PAPPA: variants seen among roughly 807,000 people sequenced by gnomAD.
The protein encoded by PAPPA is pappalysin-1.
PAPPA carries 60 observed loss-of-function variants against 164.0 expected under a neutral mutation model. The observed-to-expected ratio is 0.37, with a 90% confidence interval of 0.30 to 0.45. PAPPA has a LOEUF of 0.45. Ranked by LOEUF, PAPPA falls within the 20% of genes least tolerant of loss-of-function variation. The pLI is 1.00. For missense variants in PAPPA, 1,782 were observed against 2,087.3 expected (o/e 0.85, Z 2.85); for synonymous variants, 875 against 814.1 (o/e 1.07, Z -1.27).
At chr9:116,166,002 T>G (rs1843715547) in intron 1 of PAPPA, among the ~76,000 whole-genome samples, 1 of 152,224 alleles carries the variant, frequency 6.6e-6, no homozygotes, top group Admixed American at 6.5e-5. Flanking sequence ...AAAGGGGCTA[T>G]ATGTATTTTT....
chr9:116,216,388 A>G (rs1844371861), intron 4 of PAPPA, among the ~76,000 whole-genome samples: 1 of 152,202 alleles, frequency 6.6e-6, no homozygotes, highest in African/African-American at 2.4e-5. Flanking sequence ...ACAGATGGAC[A>G]TTTGTTCTTG....
At position 116,154,655 on chromosome 9, in the gene PAPPA, C is replaced by T. The variant is rs1386389362; in HGVS notation, c.415+68C>T. On this transcript the variant is annotated intron_variant, in intron 1 of 21. Transcript: ENST00000328252. The surrounding 1 kb of genome is among the most constrained non-coding windows in gnomAD (Gnocchi z 5.2). The stretch of plus-strand genomic sequence containing the variant: ...CCCCAGAGGCTCGCGGGTGTCTGGG[C>T]GCGGGTGGCGGGCGGGTCGGGGGCT... 2.4e-6 allele frequency: 3 copies of T among 1,254,882 alleles called. No homozygotes were observed. Among genetic ancestry groups the T allele is most frequent in the Admixed American group, 4.2e-5 (1 of 23,614 alleles). 77.7% of individuals were successfully genotyped at this position (1,254,882 alleles called of 1,614,324 possible). A position where few individuals can be genotyped will look rare whatever the true frequency, so the allele number is the denominator to read the frequency against.
At chr9:116,309,260 G>A (rs1334029081) in intron 10 of PAPPA, among the ~76,000 whole-genome samples, 5 of 151,928 alleles carry the variant, frequency 3.3e-5, no homozygotes, top group Non-Finnish European at 5.9e-5. Flanking sequence ...ATTTTTAGTA[G>A]AGATGGGGTT....
intron 1 of PAPPA, among the ~76,000 whole-genome samples, chr9:116,172,450 T>C (rs1288504702): frequency 1.3e-5 from 2 of 152,164 alleles, no homozygotes; most frequent in Non-Finnish European, 2.9e-5. Context: ...CTGGCCTCTA[T>C]GTACTAGACA....
rs566555948 is a variant in PAPPA, at chr9:116,338,958, T to G, written c.3611+3884T>G. 4.7e-4 allele frequency among the ~76,000 whole-genome samples: 72 copies of G among 152,284 alleles called. 1 individual carries two copies. The highest frequency in any genetic ancestry group is 1.2e-3 in the South Asian group (6 of 4,824). ...TAAAAGCGGGGAAGGCTCTGAAAGA[T>G]TTCCTGGTTCTGTGCCCTCATTTGA... On this transcript the variant is annotated intron_variant, in intron 13 of 21. Coordinates refer to ENST00000328252, the MANE Select transcript of PAPPA (RefSeq NM_002581.5).
In PAPPA at chr9:116,211,928, T is replaced by C. The variant is rs761297898; in HGVS notation, c.1914T>C (p.Tyr638=). The part of the protein sequence containing the change: ...FNTPYNNFMS[Y]ADDDCTDSFT... ...CTCCTTACAACAACTTCATGAGCTA[T>C]GCAGGTAGGGCCCTACACTCTGTAG... The change falls in exon 4 of 22, where the codon TAT becomes TAC. Residue 638 remains tyrosine (Y), a synonymous_variant. Transcript: ENST00000328252. 6.2e-7 allele frequency: 1 copy of C among 1,613,864 alleles called. No homozygotes were observed. Among genetic ancestry groups the C allele is most frequent in the Non-Finnish European group, 8.5e-7 (1 of 1,179,826 alleles).
chr9:116,193,917 A>C (rs908625381), intron 2 of PAPPA, among the ~76,000 whole-genome samples: 1 of 152,246 alleles, frequency 6.6e-6, no homozygotes, highest in African/African-American at 2.4e-5. Context: ...AAGTTAGGAA[A>C]GGTTTAATGA....
intron 9 of PAPPA, 102 bp from the exon 10 acceptor site, chr9:116,302,655 A>G (rs934924284): frequency 1.2e-6 from 1 of 863,684 alleles, no homozygotes; most frequent in African/African-American, 1.7e-5. Context: ...GCTTGACAGT[A>G]CCAATGGTTT....
intron 2 of PAPPA, among the ~76,000 whole-genome samples, chr9:116,197,521 T>C (rs1844123091): frequency 6.6e-6 from 1 of 152,230 alleles, no homozygotes; most frequent in Non-Finnish European, 1.5e-5. Flanking sequence ...TCCCTTAGGC[T>C]CCAAATGTGG....
At chr9:116,273,766 C>T (rs747599184) in intron 9 of PAPPA, among the ~76,000 whole-genome samples, 16 of 151,988 alleles carry the variant, frequency 1.1e-4, no homozygotes, top group South Asian at 2.1e-4. Context: ...AGAGCGAGAC[C>T]CTGTCTCAAA....
At chr9:116,348,811 T>C (rs963337182) in intron 15 of PAPPA, among the ~76,000 whole-genome samples, 18 of 152,236 alleles carry the variant, frequency 1.2e-4, no homozygotes, top group Middle Eastern at 3.2e-3. Flanking sequence ...GTTCCATCCA[T>C]GTTCCTGCAA....
intron 9 of PAPPA, among the ~76,000 whole-genome samples, chr9:116,277,105 G>A (rs1356566553): frequency 6.6e-6 from 1 of 152,130 alleles, no homozygotes; most frequent in African/African-American, 2.4e-5. Context: ...GGCTCTGCTG[G>A]GAGTTGCATT....
At chr9:116,394,326 T>C (rs1846933645) in intron 21 of PAPPA, among the ~76,000 whole-genome samples, 1 of 152,196 alleles carries the variant, frequency 6.6e-6, no homozygotes, top group South Asian at 2.1e-4. Context: ...ATGTTTCTTC[T>C]TGCTTGATCC....
chr9:116,281,660 CT>C (rs1321520466), intron 9 of PAPPA, among the ~76,000 whole-genome samples: 3 of 152,184 alleles, frequency 2.0e-5, no homozygotes, highest in Non-Finnish European at 1.5e-5. Context: ...CACAGCACCC[CT>C]GGCTACCAGG....
At chr9:116,263,905 A>G (rs1266120167) in intron 7 of PAPPA, among the ~76,000 whole-genome samples, 9 of 152,222 alleles carry the variant, frequency 5.9e-5, no homozygotes, top group African/African-American at 1.7e-4. Flanking sequence ...AGTGAAAAAC[A>G]CAATGTAGAG....
chr9:116,278,965 A>G (rs893398513), intron 9 of PAPPA, among the ~76,000 whole-genome samples: 21 of 152,204 alleles, frequency 1.4e-4, no homozygotes, highest in African/African-American at 3.6e-4. Flanking sequence ...GCCTATCTCA[A>G]TTGTGACTGA....
At chr9:116,208,844 GTGTGTGTGCA>G (rs1458981965) in intron 3 of PAPPA, among the ~76,000 whole-genome samples, 1 of 152,064 alleles carries the variant, frequency 6.6e-6, no homozygotes, top group Non-Finnish European at 1.5e-5. Flanking sequence ...GTGTGTGTGC[GTGTGTGTGCA>G]TGTGTGTGGT....
Position 116,398,402 on chromosome 9 carries a change from T to C in PAPPA, c.*1786T>C, listed in dbSNP as rs1846995454. The C allele has an allele frequency of 8.4e-6, 3 of 357,904 alleles. No homozygotes were observed. The highest frequency in any genetic ancestry group is 6.6e-5 in the African/African-American group (3 of 45,568). 22.2% of individuals were successfully genotyped at this position (357,904 alleles called of 1,614,324 possible). A position where few individuals can be genotyped will look rare whatever the true frequency, so the allele number is the denominator to read the frequency against. On this transcript the variant is annotated 3_prime_UTR_variant, in exon 22 of 22. Transcript: ENST00000328252. ...ACAGAAACAAAACCTAGCATAGGGA[T>C]AGAAAATACCATGCACGTGTGCAGC...
intron 13 of PAPPA, among the ~76,000 whole-genome samples, chr9:116,344,328 A>T (rs1286653871): frequency 6.6e-6 from 1 of 152,168 alleles, no homozygotes; most frequent in Non-Finnish European, 1.5e-5. Context: ...GCAAGATTTG[A>T]ACTCTGGTTT....
Sources: allele counts gnomAD v4.1 joint callset (sites outside exome capture counted in the v4.1 genomes callset), GRCh38; gene constraint gnomAD v4.1.1; non-coding constraint Gnocchi (gnomAD v3.1); transcripts MANE v1.5; gene names NCBI Gene and HGNC (gene_info 2026-07-23, HGNC 2026-07-21).